DDX52: variants seen among roughly 807,000 people sequenced by gnomAD.
DDX52 encodes the protein probable ATP-dependent RNA helicase DDX52.
DDX52 carries 59 observed loss-of-function variants against 76.1 expected under a neutral mutation model. The ratio of observed to expected loss-of-function variants is 0.78; its 90% CI spans 0.63 to 0.96. The LOEUF is 0.96. Ranked by LOEUF, DDX52 falls within the 40% of genes least tolerant of loss-of-function variation. The pLI is 0.00. For synonymous variants in DDX52, 231 were observed against 244.1 expected (o/e 0.95, Z 0.50); for missense variants, 707 against 703.9 (o/e 1.00, Z -0.05).
In DDX52 at chr17:37,610,542, G is replaced by A. The variant is rs1013489395; in HGVS notation, c.*3754C>T. On this transcript the variant is annotated 3_prime_UTR_variant, in exon 15 of 15. Transcript: ENST00000617633. Reference sequence around the variant, plus strand: ...CAAGTAATGGATTAATTAGCTTTACGTTTTCACTCTTGTCTCAAGGTTTTT... The same window carrying A: ...CAAGTAATGGATTAATTAGCTTTACATTTTCACTCTTGTCTCAAGGTTTTT... The A allele has an allele frequency of 2.0e-5, 3 of 149,702 alleles. No homozygotes were observed. Among genetic ancestry groups the A allele is most frequent in the African/African-American group, 5.1e-5 (2 of 39,284 alleles). The allele number at this position is 149,702 out of a possible 1,614,324, so 9.3% of individuals were successfully genotyped here.
chr17:37,642,440 ACAAATGG>A (rs1445191764), intron 1 of DDX52, 132 bp from the exon 2 acceptor site: 1 of 1,024,388 alleles, frequency 9.8e-7, no homozygotes, highest in African/African-American at 1.6e-5. Flanking sequence ...AGGTGTCTGG[ACAAATGG>A]AATCTGAAGA....
At chr17:37,621,837 C>T (rs1453331623) in intron 9 of DDX52, among the ~76,000 whole-genome samples, 1 of 152,142 alleles carries the variant, frequency 6.6e-6, no homozygotes, top group Non-Finnish European at 1.5e-5. Flanking sequence ...GCCTCAAAAC[C>T]TTTTTTTATT....
chr17:37,626,163 T>C, intron 7 of DDX52, 65 bp from the exon 8 acceptor site: 2 of 1,546,212 alleles, frequency 1.3e-6, no homozygotes, highest in Admixed American at 3.5e-5. Context: ...CACTAAACTG[T>C]GGGGACAGTG....
At chr17:37,623,377 A>G (rs1598755396) in intron 9 of DDX52, among the ~76,000 whole-genome samples, 1 of 139,838 alleles carries the variant, frequency 7.2e-6, no homozygotes, top group Admixed American at 6.8e-5. Flanking sequence ...GTGAGCCAAG[A>G]TGACGCCACC....
intron 9 of DDX52, 35 bp from the exon 10 acceptor site, chr17:37,621,555 A>G (rs2030097071): frequency 6.3e-7 from 1 of 1,584,046 alleles, no homozygotes; most frequent in African/African-American, 1.4e-5. Flanking sequence ...ACATAACTCA[A>G]TCAAGAATAC....
chr17:37,635,657 T>C (rs2030891385), intron 2 of DDX52: 2 of 455,434 alleles, frequency 4.4e-6, no homozygotes, highest in Non-Finnish European at 8.8e-6. Flanking sequence ...GCAATGTTGC[T>C]ATGAAAATTT....
At position 37,621,074 on chromosome 17, in the gene DDX52, T is replaced by C. The variant is rs956156942; in HGVS notation, c.1501+53A>G. 3 of 1,578,876 alleles carry C rather than the reference T, an allele frequency of 1.9e-6. No homozygotes were observed. In the African/African-American group the frequency reaches 4.1e-5, roughly 22 times the overall value. Reference sequence around the variant, plus strand: ...GCATATGTGCAGGGAATAGCAGGGGTCCTAAGACAGATCAGTGGGTGACAG... The same window carrying C: ...GCATATGTGCAGGGAATAGCAGGGGCCCTAAGACAGATCAGTGGGTGACAG... On this transcript the variant is annotated intron_variant, in intron 11 of 14. Coordinates refer to ENST00000617633, the MANE Select transcript of DDX52 (RefSeq NM_007010.5).
In DDX52 at chr17:37,624,325, G is replaced by C. The variant is rs772182045; in HGVS notation, c.1227+19C>G. 6.9e-6 allele frequency: 11 copies of C among 1,586,026 alleles called. No individual in the cohort carries two copies. The African/African-American group carries it at 1.2e-4, about 18-fold the overall frequency. ...CTTGGCAAACTTTACCAAAATTCAA[G>C]AAGGTAATACAAATATACCTTTTTA... is the stretch of plus-strand genomic sequence containing the variant. On this transcript the variant is annotated intron_variant, in intron 9 of 14. Transcript: ENST00000617633.
Position 37,613,942 on chromosome 17 carries a change from G to T in DDX52, c.*354C>A. 1 of 187,140 alleles carries T rather than the reference G, an allele frequency of 5.3e-6. No individual in the cohort carries two copies. Among genetic ancestry groups the T allele is most frequent in the Non-Finnish European group, 1.1e-5 (1 of 91,348 alleles). The allele number at this position is 187,140 out of a possible 1,614,324, so 11.6% of individuals were successfully genotyped here. ...TCAAACCACAGAAATGTCAATGAAT[G>T]TTATTTCCATTGTATAATCATTTAA... On this transcript the variant is annotated 3_prime_UTR_variant, in exon 15 of 15. Transcript: ENST00000617633.
intron 5 of DDX52, 56 bp downstream of exon 5, chr17:37,629,974 G>A: frequency 6.4e-7 from 1 of 1,555,912 alleles, no homozygotes; most frequent in African/African-American, 1.4e-5. Flanking sequence ...CTTCAAATAA[G>A]AAAGATCACT....
At chr17:37,624,213 C>G (rs1157903888) in intron 9 of DDX52, 131 bp downstream of exon 9, 4 of 562,734 alleles carry the variant, frequency 7.1e-6, no homozygotes, top group African/African-American at 5.7e-5. Context: ...ACTTTCTTAT[C>G]AATTTACCAA....
rs1445776639 is a variant in DDX52 at position 37,621,363 on chromosome 17, T to C, written c.1350+35A>G. The C allele has an allele frequency of 3.1e-6, 5 of 1,599,142 alleles. No individual in the cohort carries two copies. The East Asian group carries it at 1.1e-4, about 36-fold the overall frequency. On this transcript the variant is annotated intron_variant, in intron 10 of 14. Coordinates refer to ENST00000617633, the MANE Select transcript of DDX52 (RefSeq NM_007010.5). ...ATGTCAATAGTTTAAAATCAAGTAG[T>C]TCTTCTGAGTTTCAAAGTATATATT...
intron 1 of DDX52, chr17:37,642,884 T>C (rs1393513759): frequency 1.2e-5 from 2 of 160,714 alleles, no homozygotes; most frequent in African/African-American, 4.8e-5. Context: ...TTCTCATTGG[T>C]TACTTAAGCC....
chr17:37,622,009 G>A (rs1348128546), intron 9 of DDX52, among the ~76,000 whole-genome samples: 1 of 152,058 alleles, frequency 6.6e-6, no homozygotes, highest in African/African-American at 2.4e-5. Flanking sequence ...CACCCCAATG[G>A]TGTACACTGA....
intron 2 of DDX52, among the ~76,000 whole-genome samples, chr17:37,638,805 T>A (rs1050626648): frequency 7.3e-5 from 11 of 149,800 alleles, no homozygotes; most frequent in Admixed American, 7.3e-4. Context: ...AGTCTTGCTC[T>A]GTCACCCAGG....
chr17:37,621,383 T>A lies in DDX52; in HGVS notation c.1350+15A>T. On this transcript the variant is annotated intron_variant, in intron 10 of 14. Coordinates refer to ENST00000617633, the MANE Select transcript of DDX52 (RefSeq NM_007010.5). ...AGTAGTTCTTCTGAGTTTCAAAGTA[T>A]ATATTTGACTTTACCTGTTGTTGTG... The A allele has an allele frequency of 1.2e-6, 2 of 1,606,430 alleles. No homozygotes were observed. The highest frequency in any genetic ancestry group is 1.7e-6 in the Non-Finnish European group (2 of 1,177,580).
Position 37,621,447 on chromosome 17 carries a change from T to C in DDX52, c.1301A>G (p.Tyr434Cys), listed in dbSNP as rs746483848. The C allele has an allele frequency of 4.3e-6, 7 of 1,613,796 alleles. No homozygotes were observed. The highest frequency in any genetic ancestry group is 3.4e-6 in the Non-Finnish European group (4 of 1,179,926). Residue 434 changes from tyrosine to cysteine, a missense_variant, in exon 10 of 15, where the codon TAT becomes TGT. Coordinates refer to ENST00000617633, the MANE Select transcript of DDX52 (RefSeq NM_007010.5). The stretch of plus-strand genomic sequence containing the variant: ...AATAACATCCACATTAATACCTTCA[T>C]ATATGAGCTCATGAAAAAGTTCTTT... ...RAKELFHELIYEGINVDVIHA... is the reference protein window; with the variant it reads ...RAKELFHELICEGINVDVIHA...
chr17:37,635,445 T>C, intron 2 of DDX52: 1 of 336,784 alleles, frequency 3.0e-6, no homozygotes, highest in South Asian at 2.4e-5. Flanking sequence ...TCTGGAATTT[T>C]ATATAAACGG....
intron 14 of DDX52, 141 bp from the exon 15 acceptor site, chr17:37,614,494 T>TA: frequency 1.3e-6 from 1 of 754,716 alleles, no homozygotes; most frequent in South Asian, 1.9e-5. Flanking sequence ...AAAGATGCAT[T>TA]AGACATGGTC....
Sources: gnomAD v4.1 joint callset for allele counts (sites outside exome capture counted in the v4.1 genomes callset) on GRCh38, gnomAD v4.1.1 for gene constraint, MANE v1.5 for transcripts, NCBI Gene and HGNC (gene_info 2026-07-23, HGNC 2026-07-21) for gene names.